ALG1L2: variants seen among roughly 807,000 people sequenced by gnomAD.
The protein encoded by ALG1L2 is ALG1 chitobiosyldiphosphodolichol beta-mannosyltransferase like 2, also known as putative glycosyltransferase ALG1L2.
A neutral mutation model predicts 29.0 loss-of-function variants in ALG1L2; 32 were observed. The ratio of observed to expected loss-of-function variants is 1.10; its 90% CI spans 0.83 to 1.48. The LOEUF (loss-of-function observed/expected upper bound fraction) is 1.48. ALG1L2 is among the 40% of genes most tolerant of loss of function. The pLI, the probability that ALG1L2 is intolerant of heterozygous loss-of-function variation, is 0.00. For missense variants in ALG1L2, 318 were observed against 274.1 expected (o/e 1.16, Z -1.13); for synonymous variants, 110 against 109.5 (o/e 1.00, Z -0.03).
At position 130,091,265 on chromosome 3, in the gene ALG1L2, G is replaced by A; in HGVS notation, c.25G>A (p.Val9Met). Residue 9 changes from valine to methionine, a missense_variant, in exon 2 of 8, where the codon GTG (valine) becomes ATG (methionine). Physicochemically the swap from Val to Met is conservative, Grantham distance 21. Coordinates refer to ENST00000425059, the MANE Select transcript of ALG1L2 (RefSeq NM_001136152.1). MGATAGWA[V>M]TVYDKPASFF... ...CCTGCCATGATTTCATTGCAGGGCT[G>A]TGACCGTCTACGACAAGCCGGCATC... The A allele has an allele frequency of 1.3e-6, 2 of 1,599,202 alleles. No homozygotes were observed. Among genetic ancestry groups the A allele is most frequent in the Non-Finnish European group, 8.5e-7 (1 of 1,179,592 alleles).
intron 1 of ALG1L2, among the ~76,000 whole-genome samples, chr3:130,086,017 G>C (rs1327902676): frequency 6.6e-6 from 1 of 151,506 alleles, no homozygotes; most frequent in Admixed American, 6.6e-5. Flanking sequence ...ACTGCTCATT[G>C]CTCTGCCTGC....
chr3:130,083,880 G>T, intron 1 of ALG1L2, among the ~76,000 whole-genome samples: 1 of 149,648 alleles, frequency 6.7e-6, no homozygotes. Context: ...CATAAAATCA[G>T]CAAGGGTTGG....
intron 6 of ALG1L2, 55 bp downstream of exon 6, chr3:130,096,218 G>T (rs1577330630): frequency 6.3e-7 from 1 of 1,585,364 alleles, no homozygotes; most frequent in Non-Finnish European, 8.6e-7. Context: ...CCACCGCTGA[G>T]GGGGAAGCAG....
chr3:130,087,497 G>GCCA (rs1553719394), intron 1 of ALG1L2, among the ~76,000 whole-genome samples: 1 of 131,046 alleles, frequency 7.6e-6, no homozygotes, highest in East Asian at 2.1e-4. Context: ...TCTGAATGAG[G>GCCA]TCCATTAGAA....
chr3:130,085,713 A>G (rs1559784729), intron 1 of ALG1L2, among the ~76,000 whole-genome samples: 1 of 151,658 alleles, frequency 6.6e-6, no homozygotes. Context: ...AACCCACAAC[A>G]GTGCCCTGCT....
chr3:130,097,172 C>T lies in ALG1L2; in HGVS notation c.540-3C>T. 4 of 1,611,876 alleles carry T rather than the reference C, an allele frequency of 2.5e-6. No individual in the cohort carries two copies. Among genetic ancestry groups the T allele is most frequent in the Non-Finnish European group, 2.5e-6 (3 of 1,179,762 alleles). ...TCTCGGGCTCCTTTTGTTCTCTCTG[C>T]AGTTTACATGAGCTGGTGAAACATG... is the stretch of plus-strand genomic sequence containing the variant. On this transcript the variant is annotated splice_polypyrimidine_tract_variant and splice_region_variant and intron_variant, in intron 6 of 7. Transcript: ENST00000425059.
rs770533485 is a variant in ALG1L2 at position 130,092,218 on chromosome 3, G to C, written c.249G>C (p.Trp83Cys). ...CCCTGCTGGTCAGCAGCACAAGCTGGACAGGTCTGCATGACCACTGGGGCA... is the reference window on the plus strand; with the variant it reads ...CCCTGCTGGTCAGCAGCACAAGCTGCACAGGTCTGCATGACCACTGGGGCA... ...RPALLVSSTS[W>C]TEFEQLTLDG... is the part of the protein sequence containing the mutation. The change falls in exon 3 of 8, where the codon TGG becomes TGC. Residue 83 changes from tryptophan to cysteine, a missense_variant. Trp to Cys is a radical substitution (Grantham distance 215, BLOSUM62 -2). Coordinates refer to ENST00000425059, the MANE Select transcript of ALG1L2 (RefSeq NM_001136152.1). The C allele has an allele frequency of 1.5e-5, 24 of 1,610,220 alleles. No homozygotes were observed. Among genetic ancestry groups the C allele is most frequent in the Non-Finnish European group, 2.0e-5 (24 of 1,178,916 alleles).
At chr3:130,097,662 T>A (rs540495007) in intron 7 of ALG1L2, among the ~76,000 whole-genome samples, 39 of 152,302 alleles carry the variant, frequency 2.6e-4, no homozygotes, top group African/African-American at 9.4e-4. Context: ...GTCAACAGAA[T>A]GATTGGGAGG....
At chr3:130,098,002 G>T (rs1274423284) in intron 7 of ALG1L2, among the ~76,000 whole-genome samples, 1 of 152,202 alleles carries the variant, frequency 6.6e-6, no homozygotes, top group African/African-American at 2.4e-5. Context: ...GCCGGAAGGT[G>T]CTCCAGGGCA....
chr3:130,084,395 G>A (rs77119461), intron 1 of ALG1L2, among the ~76,000 whole-genome samples: 1 of 147,020 alleles, frequency 6.8e-6, no homozygotes, highest in African/African-American at 2.4e-5. Context: ...AGGAGGAAAG[G>A]GGAGAGGGAA....
At chr3:130,097,726 T>G (rs541889549) in intron 7 of ALG1L2, among the ~76,000 whole-genome samples, 1 of 152,360 alleles carries the variant, frequency 6.6e-6, no homozygotes, top group African/African-American at 2.4e-5. Flanking sequence ...CCCCAGTCTC[T>G]GTCAGAACCA....
intron 1 of ALG1L2, among the ~76,000 whole-genome samples, chr3:130,090,260 G>A (rs919223113): frequency 9.8e-5 from 15 of 152,416 alleles, no homozygotes; most frequent in African/African-American, 3.4e-4. Context: ...GGAGGCTGAG[G>A]CAGGAGAATC....
intron 4 of ALG1L2, 37 bp from the exon 5 acceptor site, chr3:130,094,366 G>A (rs759273814): frequency 1.3e-5 from 20 of 1,582,382 alleles, no homozygotes; most frequent in Non-Finnish European, 1.5e-5. Context: ...CAGGGACAGA[G>A]ACGGGTTCAT....
At chr3:130,093,654 C>T (rs1397309334) in intron 4 of ALG1L2, among the ~76,000 whole-genome samples, 1 of 152,126 alleles carries the variant, frequency 6.6e-6, no homozygotes, top group African/African-American at 2.4e-5. Flanking sequence ...GAACTCCTGA[C>T]CTCAGGTGAT....
intron 7 of ALG1L2, 71 bp downstream of exon 7, chr3:130,097,321 C>G: frequency 6.3e-7 from 1 of 1,578,304 alleles, no homozygotes; most frequent in Non-Finnish European, 8.5e-7. Context: ...GCTCCCTGAT[C>G]CCTGTTTCAC....
At chr3:130,097,290 T>C (rs1410471914) in intron 7 of ALG1L2, 40 bp downstream of exon 7, 10 of 1,599,000 alleles carry the variant, frequency 6.3e-6, no homozygotes, top group Non-Finnish European at 8.5e-6. Context: ...GACAGGGTTC[T>C]GGAGACTGGC....
rs778834652 is a variant in ALG1L2, at chr3:130,086,795, CCT to C, written c.21-4465_21-4464del. 1.6e-3 allele frequency among the ~76,000 whole-genome samples: 238 copies of C among 149,788 alleles called. 5 individuals carry two copies. The highest frequency in any genetic ancestry group is 3.5e-3 in the Middle Eastern group (1 of 286). On this transcript the variant is annotated intron_variant, in intron 1 of 7. Coordinates refer to ENST00000425059, the MANE Select transcript of ALG1L2 (RefSeq NM_001136152.1). Reference sequence around the variant, plus strand: ...AATTTTCAAAAGCAGCAATGAAAGACCTGTCTACCACAGTGTAGCCCTCAGCA... The same window carrying C: ...AATTTTCAAAAGCAGCAATGAAAGACGTCTACCACAGTGTAGCCCTCAGCA...
chr3:130,090,314 C>T (rs1489937355), intron 1 of ALG1L2, among the ~76,000 whole-genome samples: 2 of 152,308 alleles, frequency 1.3e-5, no homozygotes, highest in Non-Finnish European at 2.9e-5. Flanking sequence ...GAGATTGCAC[C>T]AAGGCGCTCC....
chr3:130,091,136 A>G lies in ALG1L2; in HGVS notation c.21-125A>G, dbSNP rs148885515. On this transcript the variant is annotated intron_variant, in intron 1 of 7. Transcript: ENST00000425059. ...GGGGAAATTTCTGGAAACCAGGAAG[A>G]AGGAAATAAAGGTTGTTTTGCTGAG... 9.9e-3 allele frequency: 8,461 copies of G among 850,572 alleles called. 64 individuals are homozygous for G. Among genetic ancestry groups the G allele is most frequent in the Non-Finnish European group, 0.013 (7,027 of 550,910 alleles). The allele number at this position is 850,572 out of a possible 1,614,324, so 52.7% of individuals were successfully genotyped here.
Sources: allele counts gnomAD v4.1 joint callset (sites outside exome capture counted in the v4.1 genomes callset), GRCh38; gene constraint gnomAD v4.1.1; transcripts MANE v1.5; gene names NCBI Gene and HGNC (gene_info 2026-07-23, HGNC 2026-07-21).